Variants in TSPEAR observed in about 807,000 individuals in gnomAD.
TSPEAR encodes the protein thrombospondin type laminin G domain and EAR repeats, also known as thrombospondin-type laminin G domain and EAR repeat-containing protein.
Under a neutral mutation model 71.6 loss-of-function variants are expected in TSPEAR, and 69 were observed. That is an observed-to-expected ratio of 0.96 (90% CI 0.79 to 1.18). TSPEAR has a LOEUF of 1.18. Among genes scored for constraint, TSPEAR ranks in the 50% most tolerant of loss-of-function variants. The pLI, the probability that TSPEAR is intolerant of heterozygous loss-of-function variation, is 0.00. For synonymous variants in TSPEAR, 402 were observed against 387.2 expected, an observed-to-expected ratio of 1.04 and a Z score of -0.45; for missense variants, 971 against 894.9, an observed-to-expected ratio of 1.09 and a Z score of -1.09.
At position 44,643,244 on chromosome 21, in the gene TSPEAR, G is replaced by A. The variant is rs587659449; in HGVS notation, c.82+68189C>T. Among the ~76,000 whole-genome samples, 6 of 152,276 alleles carry A rather than the reference G, an allele frequency of 3.9e-5. No homozygotes were observed. The East Asian group carries it at 7.7e-4, about 20-fold the overall frequency. ...AAAGCAGAGAGTAGAATGGGGATTC[G>A]AGGGCCAGGGGGTGCAGGGAGTGGG... On this transcript the variant is annotated intron_variant, in intron 1 of 11. Coordinates refer to ENST00000323084, the MANE Select transcript of TSPEAR (RefSeq NM_144991.3).
At position 44,612,881 on chromosome 21, in the gene TSPEAR, G is replaced by A. The variant is rs1349504373; in HGVS notation, c.83-44876C>T. 4.3e-6 allele frequency: 7 copies of A among 1,610,894 alleles called. No homozygotes were observed. In the African/African-American group the frequency reaches 8.0e-5, roughly 18 times the overall value. ...CGCGTGCTCCCGCCTGGCCTGCTGAGGCCTCTGCTCAGGCCAGGAGTCCAG... is the reference window on the plus strand; with the variant it reads ...CGCGTGCTCCCGCCTGGCCTGCTGAAGCCTCTGCTCAGGCCAGGAGTCCAG... On this transcript the variant is annotated intron_variant, in intron 1 of 11. Transcript: ENST00000323084. This position sits in a 1 kb window ranked among gnomAD's most constrained non-coding sequence, Gnocchi z 4.1.
Position 44,499,452 on chromosome 21 carries a change from G to A in TSPEAR, c.*331C>T, listed in dbSNP as rs2051984268. ...GAGGCCAGCCGCAGGGACATGAACC[G>A]AGGTCCTGTTGTTTGAGGTAAAAAT... On this transcript the variant is annotated 3_prime_UTR_variant, in exon 12 of 12. Transcript: ENST00000323084. 1 of 288,060 alleles carries A rather than the reference G, an allele frequency of 3.5e-6. No homozygotes were observed. The highest frequency in any genetic ancestry group is 6.5e-6 in the Non-Finnish European group (1 of 152,716). The allele number at this position is 288,060 out of a possible 1,614,324, so 17.8% of individuals were successfully genotyped here.
intron 1 of TSPEAR, among the ~76,000 whole-genome samples, chr21:44,579,069 T>C (rs430791): frequency 0.91 from 139,054 of 152,140 alleles, 63,993 homozygotes; most frequent in Non-Finnish European, 0.97. Context: ...CGGGCAGAAC[T>C]CTCGGGCGGG....
intron 2 of TSPEAR, chr21:44,539,273 C>T: frequency 5.6e-6 from 9 of 1,599,414 alleles, no homozygotes; most frequent in Non-Finnish European, 6.8e-6. Context: ...TGCCCATCAG[C>T]AGCTGGACTC....
chr21:44,541,521 G>A (rs1555917232), intron 2 of TSPEAR, among the ~76,000 whole-genome samples: 2 of 152,222 alleles, frequency 1.3e-5, no homozygotes, highest in East Asian at 3.8e-4. Context: ...GAGAGAAACT[G>A]CACAGAAGTG....
intron 1 of TSPEAR, among the ~76,000 whole-genome samples, chr21:44,652,001 T>G (rs1984826611): frequency 8.3e-6 from 1 of 120,150 alleles, no homozygotes; most frequent in African/African-American, 3.4e-5. Flanking sequence ...TTTTTTTTTT[T>G]GAAACGGAGT....
At chr21:44,591,060 C>T (rs1555926435) in intron 1 of TSPEAR, among the ~76,000 whole-genome samples, 1 of 151,794 alleles carries the variant, frequency 6.6e-6, no homozygotes, top group African/African-American at 2.4e-5. Flanking sequence ...GCATCACTTC[C>T]CACCTCACCC....
At chr21:44,550,776 G>A (rs782450422) in intron 2 of TSPEAR, 45 of 1,614,106 alleles carry the variant, frequency 2.8e-5, no homozygotes, top group Non-Finnish European at 3.6e-5. Flanking sequence ...CACAGAGGAG[G>A]AGGGTCTGCA....
chr21:44,633,391 G>C (rs2146212152), intron 1 of TSPEAR, among the ~76,000 whole-genome samples: 1 of 152,126 alleles, frequency 6.6e-6, no homozygotes, highest in Non-Finnish European at 1.5e-5. Flanking sequence ...TCCATAAACT[G>C]TTTTGCCGTA....
Position 44,642,002 on chromosome 21 carries a change from AG to A in TSPEAR, c.82+69430del, listed in dbSNP as rs1417472760. ...CAGACACCCATCAAGGAAAATCTAA[AG>A]AAAATAAAAATAAAGTCTAATAAAA... On this transcript the variant is annotated intron_variant, in intron 1 of 11. Coordinates refer to ENST00000323084, the MANE Select transcript of TSPEAR (RefSeq NM_144991.3). The surrounding 1 kb of genome is among the most constrained non-coding windows in gnomAD (Gnocchi z 4.1). Among the ~76,000 whole-genome samples the A allele has an allele frequency of 6.6e-6, 1 of 152,262 alleles. No homozygotes were observed. Among genetic ancestry groups the A allele is most frequent in the Non-Finnish European group, 1.5e-5 (1 of 68,052 alleles).
At chr21:44,641,757 T>C (rs2146229250) in intron 1 of TSPEAR, among the ~76,000 whole-genome samples, 1 of 152,284 alleles carries the variant, frequency 6.6e-6, no homozygotes. Context: ...AGATCAAAGT[T>C]ATGCAAATAT....
Position 44,594,481 on chromosome 21 carries a change from C to T in TSPEAR, c.83-26476G>A, listed in dbSNP as rs587651101. ...CAGACACCAGATCTTGCAAGACCGA[C>T]ATTAAAGTCTCACTTTCACTGTTCT... On this transcript the variant is annotated intron_variant, in intron 1 of 11. Transcript: ENST00000323084. 7.0e-4 allele frequency among the ~76,000 whole-genome samples: 107 copies of T among 152,324 alleles called. 1 individual carries two copies. Among genetic ancestry groups the T allele is most frequent in the Admixed American group, 1.2e-3 (18 of 15,302 alleles).
In TSPEAR at chr21:44,602,777, G is replaced by A. The variant is rs139966928; in HGVS notation, c.83-34772C>T. Among the ~76,000 whole-genome samples the A allele has an allele frequency of 3.2e-3, 483 of 152,238 alleles. 3 individuals carry two copies. The highest frequency in any genetic ancestry group is 0.011 in the African/African-American group (457 of 41,550). On this transcript the variant is annotated intron_variant, in intron 1 of 11. Transcript: ENST00000323084. ...TGCAGAGGAGTGAGGCGCGTCCTGCGTGACCCCCACCCCAGGAGAGGCCTC... is the reference window on the plus strand; with the variant it reads ...TGCAGAGGAGTGAGGCGCGTCCTGCATGACCCCCACCCCAGGAGAGGCCTC...
chr21:44,675,704 T>C (rs1357847836), intron 1 of TSPEAR, among the ~76,000 whole-genome samples: 3 of 152,196 alleles, frequency 2.0e-5, no homozygotes, highest in Admixed American at 1.3e-4. Flanking sequence ...ACTGACATGA[T>C]AGCAAGTGGA....
intron 1 of TSPEAR, among the ~76,000 whole-genome samples, chr21:44,641,244 G>A (rs1555938477): frequency 6.6e-6 from 1 of 152,166 alleles, no homozygotes; most frequent in Non-Finnish European, 1.5e-5. Flanking sequence ...GCAGATGTGA[G>A]GAAACAAAGA....
intron 1 of TSPEAR, chr21:44,698,103 G>A (rs111709443): frequency 0.031 from 27,545 of 876,478 alleles, 555 homozygotes; most frequent in Non-Finnish European, 0.038. Context: ...AAGCCCTGGG[G>A]GCTCCTGCTA....
chr21:44,625,302 C>T (rs1339841628), intron 1 of TSPEAR, among the ~76,000 whole-genome samples: 3 of 152,166 alleles, frequency 2.0e-5, no homozygotes, highest in Non-Finnish European at 2.9e-5. Context: ...CACAGAAATA[C>T]TGATGATGGG....
intron 1 of TSPEAR, chr21:44,574,218 G>C: frequency 6.2e-7 from 1 of 1,604,246 alleles, no homozygotes; most frequent in Non-Finnish European, 8.5e-7. Flanking sequence ...CTGCCAGCAG[G>C]CCTGCTGTGT....
intron 9 of TSPEAR, among the ~76,000 whole-genome samples, chr21:44,515,324 CGCCTTCCCAGG>C (rs1569156931): frequency 6.6e-6 from 1 of 152,220 alleles, no homozygotes; most frequent in Admixed American, 6.5e-5. Flanking sequence ...GTGGTCCCAG[CGCCTTCCCAGG>C]GCCCTCCTAA....
Sources: allele counts gnomAD v4.1 joint callset (sites outside exome capture counted in the v4.1 genomes callset), GRCh38; gene constraint gnomAD v4.1.1; non-coding constraint Gnocchi (gnomAD v3.1); transcripts MANE v1.5; gene names NCBI Gene and HGNC (gene_info 2026-07-23, HGNC 2026-07-21).